The following SRPX2 variants were observed in gnomAD, a reference collection of about 807,000 sequenced individuals.
SRPX2 encodes the protein sushi repeat-containing protein SRPX2.
SRPX2 carries 26 observed loss-of-function variants against 45.3 expected under a neutral mutation model. The observed-to-expected ratio is 0.57, with a 90% confidence interval of 0.42 to 0.80. The LOEUF (loss-of-function observed/expected upper bound fraction) is 0.80. Ranked by LOEUF, SRPX2 falls within the 30% of genes least tolerant of loss-of-function variation. The pLI is 0.00. For missense variants in SRPX2, 355 were observed against 399.8 expected (o/e 0.89, Z 0.95); for synonymous variants, 125 against 143.7 (o/e 0.87, Z 0.93).
chrX:100,660,188 T>TG (rs1436718048), intron 3 of SRPX2, among the ~76,000 whole-genome samples: 1 of 111,636 alleles, frequency 9.0e-6, no homozygotes, highest in Non-Finnish European at 1.9e-5. Flanking sequence ...TCACTCTTTT[T>TG]GGTGTACAGT....
chrX:100,648,152 A>C, intron 2 of SRPX2, among the ~76,000 whole-genome samples: 1 of 112,847 alleles, frequency 8.9e-6, no homozygotes, highest in East Asian at 2.8e-4. Flanking sequence ...GTCCAGGAAT[A>C]ATCAGCAGTG....
chrX:100,668,528 G>A (rs1781252761), intron 9 of SRPX2, among the ~76,000 whole-genome samples: 1 of 110,525 alleles, frequency 9.0e-6, no homozygotes, highest in African/African-American at 3.3e-5. Context: ...GCCCAAAGAT[G>A]AAACAGAGGT....
chrX:100,657,165 T>A (rs996618860), intron 3 of SRPX2, among the ~76,000 whole-genome samples: 1 of 106,821 alleles, frequency 9.4e-6, no homozygotes, highest in Non-Finnish European at 1.9e-5. Context: ...TGACCTCAGG[T>A]GATTCACCTG....
chrX:100,660,656 C>T (rs1462780749), intron 3 of SRPX2, among the ~76,000 whole-genome samples: 2 of 111,097 alleles, frequency 1.8e-5, no homozygotes, highest in Non-Finnish European at 3.8e-5. Flanking sequence ...GGTGAAACCC[C>T]GTCTCTACTA....
At chrX:100,651,123 G>T in intron 3 of SRPX2, 3 of 375,277 alleles carry the variant, frequency 8.0e-6, no homozygotes, top group Non-Finnish European at 1.4e-5. Context: ...TGCAAGGTAA[G>T]CCTGTGGGTA....
In SRPX2 at chrX:100,666,671, A is replaced by G. The variant is rs912501760; in HGVS notation, c.782-83A>G. ...CTGATCATCCTAAGTCTTCTGATCT[A>G]GAAAGCCCAGCATGGGCACCCTCTT... is the stretch of plus-strand genomic sequence containing the variant. On this transcript the variant is annotated intron_variant, in intron 7 of 10. Transcript: ENST00000373004. 2.6e-6 allele frequency: 3 copies of G among 1,145,528 alleles called. No individual in the cohort carries two copies. In the African/African-American group the frequency reaches 5.3e-5, roughly 20 times the overall value. 94.4% of individuals were successfully genotyped at this position (1,145,528 alleles called of 1,213,427 possible). A position where few individuals can be genotyped will look rare whatever the true frequency, so the allele number is the denominator to read the frequency against.
intron 4 of SRPX2, 31 bp downstream of exon 4, chrX:100,662,398 T>C (rs750655162): frequency 1.7e-6 from 2 of 1,206,122 alleles, no homozygotes; most frequent in African/African-American, 3.5e-5. Flanking sequence ...TGCTGATGTA[T>C]GTATGCGAGA....
In SRPX2 at chrX:100,669,282, C is replaced by T; in HGVS notation, c.1130C>T (p.Thr377Ile). 1 of 1,210,291 alleles carries T rather than the reference C, an allele frequency of 8.3e-7. No homozygotes were observed. Among genetic ancestry groups the T allele is most frequent in the Non-Finnish European group, 1.1e-6 (1 of 895,120 alleles). ...STCGLDLRHV[T>I]IIELVGQPPQ... The stretch of plus-strand genomic sequence containing the variant: ...TGTGGACTGGATTTGCGGCATGTGA[C>T]CATCATTGAACTGGTGGGACAGCCA... The change falls in exon 10 of 11, where the codon ACC (threonine) becomes ATC (isoleucine). Residue 377 changes from threonine (T) to isoleucine (I), a missense_variant. Transcript: ENST00000373004.
intron 2 of SRPX2, 76 bp from the exon 3 acceptor site, chrX:100,650,709 G>T: frequency 1.0e-6 from 1 of 985,740 alleles, no homozygotes. Context: ...GACAAAGTTG[G>T]ATGAGAGGGG....
rs36224187 is a variant in SRPX2 at position 100,655,980 on chromosome X, C to T, written c.163+5115C>T. On this transcript the variant is annotated intron_variant, in intron 3 of 10. Coordinates refer to ENST00000373004, the MANE Select transcript of SRPX2 (RefSeq NM_014467.3). ...CCAGGTTCAAGCAATTCTCCTGCCT[C>T]CGCCTCCCAAGTAGCTGGGATTACA... 5.8e-3 allele frequency among the ~76,000 whole-genome samples: 628 copies of T among 107,441 alleles called. 5 individuals carry two copies. Among genetic ancestry groups the T allele is most frequent in the African/African-American group, 0.02 (577 of 29,328 alleles). The allele number at this position is 107,441 out of a possible 115,157, so 93.3% of individuals were successfully genotyped here.
intron 4 of SRPX2, 46 bp from the exon 5 acceptor site, chrX:100,664,728 A>G (rs764405829): frequency 8.7e-7 from 1 of 1,153,014 alleles, no homozygotes. Flanking sequence ...CATCACCTCC[A>G]GATAGTCGCA....
intron 3 of SRPX2, among the ~76,000 whole-genome samples, chrX:100,657,108 A>G (rs1021860382): frequency 5.5e-5 from 6 of 108,516 alleles, no homozygotes; most frequent in Non-Finnish European, 1.1e-4. Flanking sequence ...TTGTATTTTT[A>G]GTAGAGACGG....
At chrX:100,650,914 G>A in intron 3 of SRPX2, 49 bp downstream of exon 3, 1 of 1,055,237 alleles carries the variant, frequency 9.5e-7, no homozygotes, top group South Asian at 1.9e-5. Flanking sequence ...TCTGGCCTCA[G>A]ACCTAGGCCC....
intron 9 of SRPX2, 73 bp downstream of exon 9, chrX:100,667,480 C>A (rs368441222): frequency 1.4e-5 from 16 of 1,154,973 alleles, no homozygotes; most frequent in East Asian, 9.0e-5. Context: ...CAGAGTTGTT[C>A]TCTGCAGCAC....
In SRPX2 at chrX:100,672,674, C is replaced by T. The variant is rs2083232540; in HGVS notation, c.*1687C>T. On this transcript the variant is annotated 3_prime_UTR_variant, in exon 11 of 11. Coordinates refer to ENST00000373004, the MANE Select transcript of SRPX2 (RefSeq NM_014467.3). ...TCTTTTCCTACTTTCCATTTAAAGA[C>T]AACTGAAAGCTGTAAGCAAGGAGAA... 1 of 111,822 alleles carries T rather than the reference C, an allele frequency of 8.9e-6. No individual in the cohort carries two copies. Among genetic ancestry groups the T allele is most frequent in the African/African-American group, 3.3e-5 (1 of 30,721 alleles). The allele number at this position is 111,822 out of a possible 1,213,427, so 9.2% of individuals were successfully genotyped here. A position where few individuals can be genotyped will look rare whatever the true frequency, so the allele number is the denominator to read the frequency against.
At chrX:100,647,122 G>A (rs999582632) in intron 2 of SRPX2, among the ~76,000 whole-genome samples, 13 of 112,101 alleles carry the variant, frequency 1.2e-4, no homozygotes, top group Non-Finnish European at 7.5e-5. Context: ...GCAGGATAAT[G>A]AAGTGGCATA....
chrX:100,661,338 G>A (rs1487482898), intron 3 of SRPX2, among the ~76,000 whole-genome samples: 1 of 112,007 alleles, frequency 8.9e-6, no homozygotes, highest in African/African-American at 3.2e-5. Context: ...TGTTCTAACT[G>A]GATTGTTTGC....
At chrX:100,660,212 A>G (rs1171962453) in intron 3 of SRPX2, among the ~76,000 whole-genome samples, 1 of 111,420 alleles carries the variant, frequency 9.0e-6, no homozygotes, top group Non-Finnish European at 1.9e-5. Context: ...GTGAGTTTTG[A>G]CAACTGCATA....
At chrX:100,663,705 C>T (rs1214895577) in intron 4 of SRPX2, among the ~76,000 whole-genome samples, 1 of 112,647 alleles carries the variant, frequency 8.9e-6, no homozygotes, top group Non-Finnish European at 1.9e-5. Context: ...ATATGGCCTC[C>T]TTCTCTCAAG....
Sources: allele counts gnomAD v4.1 joint callset (sites outside exome capture counted in the v4.1 genomes callset), GRCh38; gene constraint gnomAD v4.1.1; transcripts MANE v1.5; gene names NCBI Gene and HGNC (gene_info 2026-07-23, HGNC 2026-07-21).